TUSC3: variants seen among roughly 807,000 people sequenced by gnomAD.
TUSC3 encodes the protein tumor suppressor candidate 3.
A neutral mutation model predicts 44.8 loss-of-function variants in TUSC3; 45 were observed. That is an observed-to-expected ratio of 1.00 (90% CI 0.79 to 1.29). The LOEUF (loss-of-function observed/expected upper bound fraction) is 1.29, where lower values mean the gene tolerates loss of function less well. Ranked by LOEUF, TUSC3 falls within the 50% of genes most tolerant of loss-of-function variation. TUSC3 has a pLI of 0.00. For missense variants in TUSC3, 519 were observed against 437.9 expected, an observed-to-expected ratio of 1.19 and a Z score of -1.65; for synonymous variants, 212 against 152.9, an observed-to-expected ratio of 1.39 and a Z score of -2.85.
chr8:15,553,238 C>T (rs1489693210), intron 1 of TUSC3, among the ~76,000 whole-genome samples: 2 of 151,582 alleles, frequency 1.3e-5, no homozygotes, highest in Non-Finnish European at 2.9e-5. Context: ...GAAAATCATT[C>T]GCCTAAATGG....
chr8:15,726,704 G>A (rs1248330950), intron 6 of TUSC3, among the ~76,000 whole-genome samples: 1 of 152,110 alleles, frequency 6.6e-6, no homozygotes, highest in Non-Finnish European at 1.5e-5. Context: ...TACTCTCGAG[G>A]CTGAGGCAGG....
At chr8:15,758,784 G>T (rs1428067613) in intron 10 of TUSC3, among the ~76,000 whole-genome samples, 1 of 152,042 alleles carries the variant, frequency 6.6e-6, no homozygotes, top group Non-Finnish European at 1.5e-5. Flanking sequence ...ACTTTACATA[G>T]GCCTCTCTGT....
intron 10 of TUSC3, among the ~76,000 whole-genome samples, chr8:15,761,981 G>C (rs1398516290): frequency 6.6e-6 from 1 of 151,856 alleles, no homozygotes; most frequent in Non-Finnish European, 1.5e-5. Context: ...AGAAATGAGA[G>C]ACTAATTCCT....
the TUSC3 span, among the ~76,000 whole-genome samples, chr8:15,848,007 A>ATACATATT: frequency 6.6e-6 from 1 of 152,138 alleles, no homozygotes; most frequent in Non-Finnish European, 1.5e-5. Context: ...TGGACATGCA[A>ATACATATT]TACATATTTA....
the TUSC3 span, chr8:15,806,305 C>G: frequency 1.4e-6 from 1 of 694,428 alleles, no homozygotes; most frequent in South Asian, 1.4e-5. Flanking sequence ...ACCACATGGA[C>G]TAAGTCAGGG....
chr8:15,649,888 A>C lies in TUSC3; in HGVS notation c.309-809A>C, dbSNP rs553158980. On this transcript the variant is annotated intron_variant, in intron 2 of 10. Coordinates refer to ENST00000503731, the MANE Select transcript of TUSC3 (RefSeq NM_006765.4). ...GGGAGATAAACTCTAGAGAACAGTC[A>C]ACCATACTGAAGAAGCAATTTTATT... is the stretch of plus-strand genomic sequence containing the variant. Among the ~76,000 whole-genome samples, 7 of 152,296 alleles carry C rather than the reference A, an allele frequency of 4.6e-5. No homozygotes were observed. In the South Asian group the frequency reaches 1.4e-3, roughly 32 times the overall value.
At chr8:15,745,907 A>C (rs1050792601) in intron 8 of TUSC3, among the ~76,000 whole-genome samples, 1 of 152,040 alleles carries the variant, frequency 6.6e-6, no homozygotes. Flanking sequence ...GGATTTTTAA[A>C]GTTTTAGGTG....
At chr8:15,572,762 G>A (rs1175507738) in intron 1 of TUSC3, among the ~76,000 whole-genome samples, 1 of 152,104 alleles carries the variant, frequency 6.6e-6, no homozygotes, top group African/African-American at 2.4e-5. Context: ...TTATGCTTTA[G>A]GCAATAGGAA....
intron 7 of TUSC3, among the ~76,000 whole-genome samples, chr8:15,740,908 T>G (rs1012674033): frequency 3.9e-5 from 6 of 152,110 alleles, no homozygotes; most frequent in African/African-American, 1.4e-4. Context: ...CAATAAAATA[T>G]GGTATACTCT....
intron 6 of TUSC3, among the ~76,000 whole-genome samples, chr8:15,714,627 T>G (rs1809991392): frequency 6.6e-6 from 1 of 152,140 alleles, no homozygotes; most frequent in African/African-American, 2.4e-5. Context: ...ACTACATAAT[T>G]TCCAAGGTTA....
intron 1 of TUSC3, among the ~76,000 whole-genome samples, chr8:15,434,076 C>T (rs73189477): frequency 0.15 from 22,123 of 152,076 alleles, 1,717 homozygotes; most frequent in Middle Eastern, 0.22. Flanking sequence ...GTCTCAATAG[C>T]AACGTGAGAG....
chr8:15,563,992 T>C (rs1224682970), intron 1 of TUSC3, among the ~76,000 whole-genome samples: 1 of 152,156 alleles, frequency 6.6e-6, no homozygotes, highest in Non-Finnish European at 1.5e-5. Flanking sequence ...TGGTGGGACA[T>C]ACTTTTAAAA....
intron 1 of TUSC3, among the ~76,000 whole-genome samples, chr8:15,467,109 C>G (rs1232910842): frequency 6.6e-6 from 1 of 151,932 alleles, no homozygotes; most frequent in Non-Finnish European, 1.5e-5. Context: ...GGGAAGGATT[C>G]AGAAAGGAGG....
chr8:15,588,422 CT>C (rs1380313924), intron 1 of TUSC3, among the ~76,000 whole-genome samples: 1 of 151,894 alleles, frequency 6.6e-6, no homozygotes. Context: ...TTTATTTGCT[CT>C]TGAGGTGTTC....
intron 1 of TUSC3, among the ~76,000 whole-genome samples, chr8:15,589,395 G>A (rs909348934): frequency 6.8e-6 from 1 of 146,882 alleles, no homozygotes; most frequent in Non-Finnish European, 1.5e-5. Flanking sequence ...GTAGACAATA[G>A]CATAGGTTAA....
intron 1 of TUSC3, among the ~76,000 whole-genome samples, chr8:15,439,878 A>G (rs148035600): frequency 3.2e-4 from 48 of 152,300 alleles, no homozygotes; most frequent in African/African-American, 1.1e-3. Context: ...AGTAACAAAA[A>G]TCTTCCTTTT....
intron 1 of TUSC3, among the ~76,000 whole-genome samples, chr8:15,429,825 A>G (rs1376337336): frequency 1.3e-5 from 2 of 151,786 alleles, no homozygotes; most frequent in Non-Finnish European, 2.9e-5. Flanking sequence ...CAGAAATACA[A>G]ACTACCATCA....
chr8:15,473,784 A>C (rs1800531037), intron 1 of TUSC3, among the ~76,000 whole-genome samples: 1 of 152,204 alleles, frequency 6.6e-6, no homozygotes, highest in Non-Finnish European at 1.5e-5. Flanking sequence ...GCTTCTGAGG[A>C]AACAGGACAA....
intron 2 of TUSC3, among the ~76,000 whole-genome samples, chr8:15,499,694 T>C (rs1312792321): frequency 6.6e-6 from 1 of 152,160 alleles, no homozygotes; most frequent in East Asian, 1.9e-4. Flanking sequence ...TCTGTGAGGG[T>C]GTTTCTGGAT....
Sources: allele counts gnomAD v4.1 joint callset (sites outside exome capture counted in the v4.1 genomes callset), GRCh38; gene constraint gnomAD v4.1.1; transcripts MANE v1.5; gene names NCBI Gene and HGNC (gene_info 2026-07-23, HGNC 2026-07-21).